Variants in KCNK2 observed in about 807,000 individuals in gnomAD.
KCNK2 encodes potassium two pore domain channel subfamily K member 2.
KCNK2 carries 21 observed loss-of-function variants against 40.5 expected under a neutral mutation model. The observed-to-expected ratio is 0.52, with a 90% CI of 0.37 to 0.75. The LOEUF (loss-of-function observed/expected upper bound fraction) is 0.75. KCNK2 is among the 30% of genes least tolerant of loss of function. The pLI is 0.00. For missense variants in KCNK2, 399 were observed against 531.6 expected (o/e 0.75, Z 2.45); for synonymous variants, 191 against 202.2 (o/e 0.94, Z 0.47).
upstream of KCNK2, among the ~76,000 whole-genome samples, chr1:215,078,247 G>A (rs1485485838): frequency 6.6e-6 from 1 of 152,208 alleles, no homozygotes; most frequent in East Asian, 1.9e-4. Context: ...GTATTATAGA[G>A]TTGGAATTCA....
intron 3 of KCNK2, among the ~76,000 whole-genome samples, chr1:215,152,765 CT>C (rs1382754580): frequency 1.3e-5 from 2 of 152,112 alleles, no homozygotes; most frequent in Non-Finnish European, 2.9e-5. Flanking sequence ...ATAGTATGCA[CT>C]TTTTTTCTTA....
At chr1:215,131,148 C>G (rs112217137) in intron 3 of KCNK2, among the ~76,000 whole-genome samples, 16,148 of 151,578 alleles carry the variant, frequency 0.11, 2,854 homozygotes, top group African/African-American at 0.36. Context: ...GCGTGAGCCA[C>G]CGCGCCCAGC....
intron 6 of KCNK2, among the ~76,000 whole-genome samples, chr1:215,215,485 T>A (rs1173224716): frequency 3.3e-5 from 5 of 152,092 alleles, no homozygotes; most frequent in Admixed American, 2.0e-4. Context: ...AATATGAAAG[T>A]TTGCCTGAGG....
At chr1:215,208,032 G>C (rs1481061733) in intron 6 of KCNK2, among the ~76,000 whole-genome samples, 2 of 152,112 alleles carry the variant, frequency 1.3e-5, no homozygotes, top group Non-Finnish European at 2.9e-5. Flanking sequence ...TATATACCTA[G>C]AGGAATATAA....
Position 215,035,132 on chromosome 1 carries a change from C to T in KCNK2, c.34+29177C>T, listed in dbSNP as rs376089960. Among the ~76,000 whole-genome samples the T allele has an allele frequency of 3.9e-5, 6 of 152,148 alleles. No homozygotes were observed. In the East Asian group the frequency reaches 1.2e-3, roughly 29 times the overall value. On this transcript the variant is annotated intron_variant, in intron 1 of 6. Coordinates refer to the KCNK2 transcript ENST00000391895. ...GTATACACATAATTTTGTCTTTGTA[C>T]TTATAGTATCCAGTAAAAACAATTT...
chr1:215,038,964 A>G (rs974293764), intron 1 of KCNK2, among the ~76,000 whole-genome samples: 2 of 152,018 alleles, frequency 1.3e-5, no homozygotes, highest in Non-Finnish European at 2.9e-5. Context: ...TGTTGTTGCC[A>G]TGGAAGCAAT....
At chr1:215,175,130 G>C (rs1346512409) in intron 5 of KCNK2, among the ~76,000 whole-genome samples, 1 of 152,118 alleles carries the variant, frequency 6.6e-6, no homozygotes, top group African/African-American at 2.4e-5. Context: ...TTATTATTTT[G>C]AGATACGTCC....
intron 3 of KCNK2, among the ~76,000 whole-genome samples, chr1:215,155,392 TA>T (rs1290569283): frequency 1.3e-5 from 2 of 152,212 alleles, no homozygotes; most frequent in Non-Finnish European, 2.9e-5. Flanking sequence ...TATTGACTAT[TA>T]TTATTCATTT....
At chr1:215,217,257 G>A (rs559841980) in intron 6 of KCNK2, among the ~76,000 whole-genome samples, 1 of 152,208 alleles carries the variant, frequency 6.6e-6, no homozygotes, top group East Asian at 1.9e-4. Context: ...TTGTACATGG[G>A]AGAGTTTTAA....
chr1:215,032,543 ACTT>A (rs1657240844), intron 1 of KCNK2, among the ~76,000 whole-genome samples: 1 of 152,130 alleles, frequency 6.6e-6, no homozygotes. Context: ...TCTCTAAAAT[ACTT>A]CTTTTAACAC....
chr1:215,122,890 G>T (rs934831760), intron 2 of KCNK2, among the ~76,000 whole-genome samples: 1 of 151,508 alleles, frequency 6.6e-6, no homozygotes, highest in African/African-American at 2.4e-5. Context: ...GACTACAGGC[G>T]CCCGCTACCA....
intron 5 of KCNK2, among the ~76,000 whole-genome samples, chr1:215,176,049 T>C (rs1325227358): frequency 6.6e-6 from 1 of 152,170 alleles, no homozygotes; most frequent in Non-Finnish European, 1.5e-5. Context: ...AGTTCTGTTT[T>C]AGTTCTTTGA....
intron 3 of KCNK2, among the ~76,000 whole-genome samples, chr1:215,141,539 G>A (rs917869916): frequency 1.3e-5 from 2 of 152,038 alleles, no homozygotes; most frequent in African/African-American, 4.8e-5. Context: ...TTTATCTCAC[G>A]ATTAGTTTAT....
intron 6 of KCNK2, among the ~76,000 whole-genome samples, chr1:215,230,340 C>A (rs12402782): frequency 0.19 from 27,944 of 149,310 alleles, 3,098 homozygotes; most frequent in South Asian, 0.46. Flanking sequence ...ACTTGTAACA[C>A]GATGGTGAGT....
intron 4 of KCNK2, 151 bp downstream of exon 4, chr1:215,169,510 G>GT: frequency 5.4e-6 from 3 of 552,830 alleles, no homozygotes; most frequent in Non-Finnish European, 9.2e-6. Context: ...GTAACTCACT[G>GT]TTTTTTAATT....
chr1:215,075,937 C>T (rs750405330), intron 1 of KCNK2, among the ~76,000 whole-genome samples: 1 of 152,318 alleles, frequency 6.6e-6, no homozygotes, highest in East Asian at 1.9e-4. Context: ...GCCCACCCCC[C>T]AGGCAAGAAG....
At chr1:215,118,035 T>G (rs1661024278) in intron 2 of KCNK2, among the ~76,000 whole-genome samples, 1 of 152,022 alleles carries the variant, frequency 6.6e-6, no homozygotes, top group African/African-American at 2.4e-5. Context: ...ACTTAGAAAA[T>G]GGATAATCCA....
intron 1 of KCNK2, among the ~76,000 whole-genome samples, chr1:215,049,484 G>C (rs1004287026): frequency 2.0e-5 from 3 of 152,066 alleles, no homozygotes; most frequent in Non-Finnish European, 4.4e-5. Context: ...CTGAACAAAA[G>C]TTGATAATTT....
At chr1:215,135,348 G>A (rs1461729841) in intron 3 of KCNK2, among the ~76,000 whole-genome samples, 1 of 152,088 alleles carries the variant, frequency 6.6e-6, no homozygotes, top group African/African-American at 2.4e-5. Context: ...TTTCTCAAGA[G>A]TTGTGAAGAC....
Sources: allele counts gnomAD v4.1 joint callset (sites outside exome capture counted in the v4.1 genomes callset), GRCh38; gene constraint gnomAD v4.1.1; transcripts MANE v1.5; gene names NCBI Gene and HGNC (gene_info 2026-07-23, HGNC 2026-07-21).